Variants in GNAS observed in about 807,000 individuals in gnomAD.
The protein encoded by GNAS is GNAS complex locus, also known as protein ALEX.
A neutral mutation model predicts 54.5 loss-of-function variants in GNAS; 8 were observed. The ratio of observed to expected loss-of-function variants is 0.15; its 90% confidence interval spans 0.09 to 0.26. The LOEUF (loss-of-function observed/expected upper bound fraction) is 0.26, where lower values mean the gene tolerates loss of function less well. Among genes scored for constraint, GNAS ranks in the 10% least tolerant of loss-of-function variants. The pLI is 1.00. For synonymous variants in GNAS, 204 were observed against 191.4 expected (o/e 1.07, Z -0.54); for missense variants, 170 against 529.8 (o/e 0.32, Z 6.67).
intron 1 of GNAS, among the ~76,000 whole-genome samples, chr20:58,866,296 GT>G (rs1188783385): frequency 6.6e-6 from 1 of 152,208 alleles, no homozygotes; most frequent in Non-Finnish European, 1.5e-5. Flanking sequence ...GAGAGGGGCA[GT>G]GGAAGGAACG....
At chr20:58,890,177 G>T (rs1018816947), upstream of GNAS, among the ~76,000 whole-genome samples, 1 of 151,636 alleles carries the variant, frequency 6.6e-6, no homozygotes, top group Non-Finnish European at 1.5e-5. Flanking sequence ...AGAAGGAGAG[G>T]AAGAAGATGG....
intron 6 of GNAS, chr20:58,908,889 C>A: frequency 1.8e-6 from 1 of 548,274 alleles, no homozygotes; most frequent in Non-Finnish European, 3.3e-6. Flanking sequence ...TGTGGCCCCA[C>A]TGCGTCGAGG....
intron 3 of GNAS, among the ~76,000 whole-genome samples, chr20:58,902,062 A>T (rs2090660769): frequency 6.6e-6 from 1 of 151,946 alleles, no homozygotes; most frequent in African/African-American, 2.4e-5. Context: ...ATATATATAC[A>T]AACCGTGAAA....
At chr20:58,845,171 C>T (rs745464944) in intron 1 of GNAS, among the ~76,000 whole-genome samples, 8 of 152,068 alleles carry the variant, frequency 5.3e-5, no homozygotes, top group African/African-American at 1.5e-4. Flanking sequence ...CTGTGGGGGA[C>T]GGCAGACTGA....
At chr20:58,892,807 T>C (rs974134476) in intron 1 of GNAS, among the ~76,000 whole-genome samples, 2 of 151,966 alleles carry the variant, frequency 1.3e-5, no homozygotes, top group African/African-American at 4.8e-5. Flanking sequence ...GTGTGACCTT[T>C]TTTTCCCCTT....
intron 1 of GNAS, among the ~76,000 whole-genome samples, chr20:58,849,844 A>G (rs2086086245): frequency 6.6e-6 from 1 of 152,128 alleles, no homozygotes; most frequent in Non-Finnish European, 1.5e-5. Flanking sequence ...CTCGATCAGG[A>G]TCATCCTCCA....
chr20:58,898,846 G>C (rs2090331685), intron 2 of GNAS, 95 bp from the exon 3 acceptor site: 1 of 1,107,304 alleles, frequency 9.0e-7, no homozygotes, highest in South Asian at 1.2e-5. Context: ...TTTTGCTCTT[G>C]GCTGATGGTT....
Position 58,840,902 on chromosome 20 carries a change from C to G in GNAS, c.43+16C>G. 6.2e-7 allele frequency: 1 copy of G among 1,611,960 alleles called. No individual in the cohort carries two copies. The highest frequency in any genetic ancestry group is 2.2e-5 in the East Asian group (1 of 44,860). On this transcript the variant is annotated intron_variant, in intron 1 of 12. Transcript: ENST00000306090. The surrounding 1 kb of genome is among the most constrained non-coding windows in gnomAD (Gnocchi z 6.0). ...ATGGATTCAGGTTAGTTGCCCACCG[C>G]TAAACTGGGGAGCCTGAGGGCGGTG...
chr20:58,851,876 C>T (rs972277292), intron 1 of GNAS, among the ~76,000 whole-genome samples: 2 of 152,208 alleles, frequency 1.3e-5, no homozygotes, highest in South Asian at 2.1e-4. Flanking sequence ...ACCAGCGCTG[C>T]GGCCGGTGCC....
At chr20:58,890,037 G>A (rs1436767243), upstream of GNAS, among the ~76,000 whole-genome samples, 1 of 151,650 alleles carries the variant, frequency 6.6e-6, no homozygotes, top group Admixed American at 6.6e-5. Context: ...CGGGGACCCC[G>A]AGAAGCTCGC....
At chr20:58,898,572 T>TATG (rs1375148400) in intron 2 of GNAS, 1 of 310,738 alleles carries the variant, frequency 3.2e-6, no homozygotes, top group African/African-American at 2.1e-5. Flanking sequence ...TTAGGAGCCT[T>TATG]ATGCGCTGCC....
chr20:58,855,720 G>C (rs1216433813), intron 1 of GNAS: 2 of 633,736 alleles, frequency 3.2e-6, no homozygotes, highest in South Asian at 3.7e-5. Flanking sequence ...TCCACGGTGG[G>C]CTGGGGTCAT....
chr20:58,855,634 A>G (rs964388506), intron 1 of GNAS: 48 of 610,296 alleles, frequency 7.9e-5, no homozygotes, highest in Non-Finnish European at 1.3e-4. Context: ...CTGGACAGGC[A>G]GGGGCTTCAG....
chr20:58,899,712 A>G (rs538238012), intron 3 of GNAS, among the ~76,000 whole-genome samples: 45 of 151,868 alleles, frequency 3.0e-4, no homozygotes, highest in Middle Eastern at 3.4e-3. Context: ...CATCACACGC[A>G]CACACAGCCA....
intron 1 of GNAS, among the ~76,000 whole-genome samples, chr20:58,865,102 T>G (rs1049913090): frequency 2.0e-5 from 3 of 152,114 alleles, no homozygotes; most frequent in African/African-American, 7.2e-5. Context: ...TCATACATAC[T>G]GTAACTTGCG....
At chr20:58,896,388 A>G (rs1328000597) in intron 2 of GNAS, among the ~76,000 whole-genome samples, 1 of 152,142 alleles carries the variant, frequency 6.6e-6, no homozygotes, top group African/African-American at 2.4e-5. Flanking sequence ...ACTGAGGGGC[A>G]TTTTTGCCTT....
Position 58,840,934 on chromosome 20 carries a change from C to G in GNAS, c.43+48C>G, listed in dbSNP as rs1180166344. Reference sequence around the variant, plus strand: ...GGGGAGCCTGAGGGCGGTGTGGGAGCAGCGCAGGTGGAAAGGAGGTGAGAA... The same window carrying G: ...GGGGAGCCTGAGGGCGGTGTGGGAGGAGCGCAGGTGGAAAGGAGGTGAGAA... On this transcript the variant is annotated intron_variant, in intron 1 of 12. Transcript: ENST00000306090. The surrounding 1 kb of genome is among the most constrained non-coding windows in gnomAD (Gnocchi z 6.0). 2 of 1,598,166 alleles carry G rather than the reference C, an allele frequency of 1.3e-6. No individual in the cohort carries two copies. Among genetic ancestry groups the G allele is most frequent in the Non-Finnish European group, 1.7e-6 (2 of 1,170,206 alleles).
chr20:58,846,389 T>C (rs1402974902), intron 1 of GNAS, among the ~76,000 whole-genome samples: 1 of 152,188 alleles, frequency 6.6e-6, no homozygotes, highest in African/African-American at 2.4e-5. Context: ...GGGCTACCAA[T>C]GAGGCTCACA....
At position 58,909,700 on chromosome 20, in the gene GNAS, C is replaced by A. The variant is rs750876341; in HGVS notation, c.735C>A (p.Ile245=). 3.1e-6 allele frequency: 5 copies of A among 1,613,964 alleles called. No homozygotes were observed. The East Asian group carries it at 1.1e-4, about 36-fold the overall frequency. The change falls in exon 10 of 13, where the codon ATC becomes ATA. Residue 245 remains isoleucine, a synonymous_variant. Coordinates refer to ENST00000371085, the MANE Select transcript of GNAS (RefSeq NM_000516.7). This position sits in a 1 kb window ranked among gnomAD's most constrained non-coding sequence, Gnocchi z 7.3. ...TTGGTTAAGATGTGACTGCCATCAT[C>A]TTCGTGGTGGCCAGCAGCAGCTACA... is the stretch of plus-strand genomic sequence containing the variant. ...IQCFNDVTAI[I]FVVASSSYNM...
Sources: allele counts gnomAD v4.1 joint callset (sites outside exome capture counted in the v4.1 genomes callset), GRCh38; gene constraint gnomAD v4.1.1; non-coding constraint Gnocchi (gnomAD v3.1); transcripts MANE v1.5; gene names NCBI Gene and HGNC (gene_info 2026-07-23, HGNC 2026-07-21).